ADAMTS12: variants seen among roughly 807,000 people sequenced by gnomAD.
ADAMTS12 encodes A disintegrin and metalloproteinase with thrombospondin motifs 12.
In ADAMTS12, 118 loss-of-function variants were observed where a neutral mutation model predicts 167.8. That is an observed-to-expected ratio of 0.70 (90% CI 0.61 to 0.82). ADAMTS12 has a LOEUF of 0.82. Among genes scored for constraint, ADAMTS12 ranks in the 40% least tolerant of loss-of-function variants. The probability of loss-of-function intolerance (pLI) is 0.00; values close to 1 mark genes in which losing one functional copy is unlikely to be tolerated. For missense variants in ADAMTS12, 1,916 were observed against 1,998.8 expected (o/e 0.96, Z 0.79); for synonymous variants, 704 against 716.9 (o/e 0.98, Z 0.29).
At chr5:33,816,235 T>C (rs1747648226) in intron 2 of ADAMTS12, among the ~76,000 whole-genome samples, 1 of 152,226 alleles carries the variant, frequency 6.6e-6, no homozygotes, top group South Asian at 2.1e-4. Flanking sequence ...AATAATGTTA[T>C]GATTTATGAA....
At chr5:33,629,060 G>A (rs563569784) in intron 13 of ADAMTS12, among the ~76,000 whole-genome samples, 10 of 152,274 alleles carry the variant, frequency 6.6e-5, no homozygotes, top group African/African-American at 2.2e-4. Flanking sequence ...CTATTAATTC[G>A]GGATCTCTGG....
At chr5:33,679,201 C>T (rs1742024145) in intron 5 of ADAMTS12, among the ~76,000 whole-genome samples, 2 of 152,222 alleles carry the variant, frequency 1.3e-5, no homozygotes, top group Non-Finnish European at 1.5e-5. Context: ...GTGATATGTC[C>T]ACTGCCTCTC....
chr5:33,725,663 C>T (rs767922607), intron 3 of ADAMTS12, among the ~76,000 whole-genome samples: 12 of 152,218 alleles, frequency 7.9e-5, no homozygotes, highest in South Asian at 4.1e-4. Flanking sequence ...GGCACACAGC[C>T]GCAGCTGGGA....
At chr5:33,686,823 T>TA (rs1394842299) in intron 3 of ADAMTS12, among the ~76,000 whole-genome samples, 1 of 150,738 alleles carries the variant, frequency 6.6e-6, no homozygotes, top group Admixed American at 6.6e-5. Context: ...GAGAGAGATG[T>TA]ATATATCTTC....
intron 3 of ADAMTS12, among the ~76,000 whole-genome samples, chr5:33,687,581 T>G (rs957045344): frequency 6.6e-6 from 1 of 152,214 alleles, no homozygotes; most frequent in African/African-American, 2.4e-5. Flanking sequence ...TAATGAGACA[T>G]GAACATAAGA....
intron 2 of ADAMTS12, among the ~76,000 whole-genome samples, chr5:33,819,043 T>C (rs888593401): frequency 4.6e-5 from 7 of 152,160 alleles, no homozygotes; most frequent in African/African-American, 1.4e-4. Flanking sequence ...GGTTGCCTTT[T>C]CATTTTGTTG....
chr5:33,696,282 A>G (rs199947933), intron 3 of ADAMTS12, among the ~76,000 whole-genome samples: 12 of 90,332 alleles, frequency 1.3e-4, no homozygotes, highest in Non-Finnish European at 1.9e-4. Context: ...TTAGCCGGGC[A>G]CGGTGGCGGG....
intron 2 of ADAMTS12, among the ~76,000 whole-genome samples, chr5:33,851,790 T>G (rs1749229452): frequency 6.6e-6 from 1 of 152,268 alleles, no homozygotes; most frequent in Non-Finnish European, 1.5e-5. Flanking sequence ...CTGATTTCAT[T>G]CATTTATTCT....
intron 5 of ADAMTS12, among the ~76,000 whole-genome samples, chr5:33,666,154 G>A (rs988115268): frequency 2.6e-5 from 4 of 152,120 alleles, no homozygotes; most frequent in African/African-American, 9.7e-5. Context: ...TCCTTGCTTT[G>A]TTTGTGTGTT....
Position 33,576,572 on chromosome 5 carries a change from C to T in ADAMTS12, c.3454G>A (p.Glu1152Lys). The change falls in exon 19 of 24, where the codon GAA becomes AAA. Residue 1152 changes from glutamate (E) to lysine (K), a missense_variant. Transcript: ENST00000504830. ...PFYNTLTKGP[E>K]MEIHSGSGEE... Reference sequence around the variant, plus strand: ...CCTGAGCCACTGTGAATCTCCATTTCTGGACCTTTGGTCAAGGTATTGTAA... The same window carrying T: ...CCTGAGCCACTGTGAATCTCCATTTTTGGACCTTTGGTCAAGGTATTGTAA... 6.2e-7 allele frequency: 1 copy of T among 1,614,204 alleles called. No homozygotes were observed. Among genetic ancestry groups the T allele is most frequent in the Non-Finnish European group, 8.5e-7 (1 of 1,180,026 alleles).
At chr5:33,574,033 A>G (rs1229280829) in intron 19 of ADAMTS12, among the ~76,000 whole-genome samples, 1 of 152,232 alleles carries the variant, frequency 6.6e-6, no homozygotes, top group Non-Finnish European at 1.5e-5. Flanking sequence ...AATGCAAATC[A>G]AAACCACAAT....
In ADAMTS12 at chr5:33,849,344, A is replaced by C. The variant is rs186792927; in HGVS notation, c.489+31775T>G. Among the ~76,000 whole-genome samples the C allele has an allele frequency of 6.4e-4, 84 of 131,574 alleles. 13 individuals carry two copies. Among genetic ancestry groups the C allele is most frequent in the Middle Eastern group, 0.02 (2 of 102 alleles). 86.3% of individuals were successfully genotyped at this position (131,574 alleles called of 152,430 possible). ...CTATATATATATGTATTGAATAGCA[A>C]TATATATATGTATTGAATAGCAATA... On this transcript the variant is annotated intron_variant, in intron 2 of 23. Transcript: ENST00000504830.
At chr5:33,538,179 G>T (rs1483027446) in intron 22 of ADAMTS12, among the ~76,000 whole-genome samples, 1 of 152,206 alleles carries the variant, frequency 6.6e-6, no homozygotes, top group African/African-American at 2.4e-5. Flanking sequence ...CAGGGCTGGG[G>T]AGGCCTCAGG....
chr5:33,727,831 T>C (rs563819652), intron 3 of ADAMTS12, among the ~76,000 whole-genome samples: 2 of 152,362 alleles, frequency 1.3e-5, no homozygotes, highest in African/African-American at 4.8e-5. Context: ...CTGGTATTTA[T>C]CGGTTTGCCT....
At chr5:33,728,780 A>G (rs994242087) in intron 3 of ADAMTS12, among the ~76,000 whole-genome samples, 1 of 152,266 alleles carries the variant, frequency 6.6e-6, no homozygotes, top group African/African-American at 2.4e-5. Flanking sequence ...GATTTCTAGA[A>G]TCAAACGACT....
chr5:33,720,059 G>A (rs748475228), intron 3 of ADAMTS12, among the ~76,000 whole-genome samples: 8 of 151,916 alleles, frequency 5.3e-5, no homozygotes, highest in African/African-American at 1.9e-4. Flanking sequence ...ACAGACATTT[G>A]CCAAACATTC....
chr5:33,627,224 G>T (rs1427125580), intron 13 of ADAMTS12, among the ~76,000 whole-genome samples: 3 of 148,772 alleles, frequency 2.0e-5, no homozygotes, highest in Non-Finnish European at 1.5e-5. Flanking sequence ...AGTGGTGGTG[G>T]AGATGGTGGA....
At chr5:33,542,946 T>G (rs1210207905) in intron 22 of ADAMTS12, among the ~76,000 whole-genome samples, 2 of 151,794 alleles carry the variant, frequency 1.3e-5, no homozygotes, top group Non-Finnish European at 2.9e-5. Flanking sequence ...ACATCACAAT[T>G]AAAAGAACTA....
At chr5:33,614,100 C>G in intron 16 of ADAMTS12, 138 bp downstream of exon 16, 1 of 1,204,524 alleles carries the variant, frequency 8.3e-7, no homozygotes, top group Non-Finnish European at 1.1e-6. Context: ...TGTTCACTGT[C>G]CGCAGAGGCC....
Sources: allele counts gnomAD v4.1 joint callset (sites outside exome capture counted in the v4.1 genomes callset), GRCh38; gene constraint gnomAD v4.1.1; transcripts MANE v1.5; gene names NCBI Gene and HGNC (gene_info 2026-07-23, HGNC 2026-07-21).